The following RPH3A variants were observed in gnomAD, a reference collection of about 807,000 sequenced individuals.
The protein encoded by RPH3A is rabphilin-3A.
In RPH3A, 48 loss-of-function variants were observed where a neutral mutation model predicts 102.2. The ratio of observed to expected loss-of-function variants is 0.47; its 90% CI spans 0.37 to 0.60. The LOEUF (loss-of-function observed/expected upper bound fraction) is 0.60. Ranked by LOEUF, RPH3A falls within the 20% of genes least tolerant of loss-of-function variation. The probability of loss-of-function intolerance (pLI) is 0.00; values close to 1 mark genes in which losing one functional copy is unlikely to be tolerated. For missense variants in RPH3A, 781 were observed against 910.1 expected (o/e 0.86, Z 1.83); for synonymous variants, 310 against 324.3 (o/e 0.96, Z 0.47).
intron 1 of RPH3A, among the ~76,000 whole-genome samples, chr12:112,631,754 GCTCAA>G (rs2135986277): frequency 1.3e-5 from 2 of 152,110 alleles, no homozygotes; most frequent in East Asian, 3.9e-4. Context: ...GAACTTCTGA[GCTCAA>G]GCAATCCTCC....
intron 10 of RPH3A, among the ~76,000 whole-genome samples, chr12:112,870,338 G>T (rs905562525): frequency 2.0e-5 from 3 of 151,418 alleles, no homozygotes; most frequent in African/African-American, 7.3e-5. Flanking sequence ...AACCCTGGGG[G>T]AAAAATGCCC....
intron 4 of RPH3A, among the ~76,000 whole-genome samples, chr12:112,844,819 G>A (rs1007616211): frequency 6.6e-6 from 1 of 152,240 alleles, no homozygotes; most frequent in Non-Finnish European, 1.5e-5. Context: ...AGGAATAGGA[G>A]GGTGGCTTGG....
Position 112,750,903 on chromosome 12 carries a change from C to T in RPH3A, c.-139-41240C>T, listed in dbSNP as rs532164852. Reference sequence around the variant, plus strand: ...GGCATCTAAAGTCAGCCTTCTCTCCCCTTGTATGGACCTGGGGAATTAAAG... The same window carrying T: ...GGCATCTAAAGTCAGCCTTCTCTCCTCTTGTATGGACCTGGGGAATTAAAG... On this transcript the variant is annotated intron_variant, in intron 1 of 21. Transcript: ENST00000543106. 2.6e-5 allele frequency among the ~76,000 whole-genome samples: 4 copies of T among 152,228 alleles called. No homozygotes were observed. In the East Asian group the frequency reaches 7.7e-4, roughly 29 times the overall value.
intron 17 of RPH3A, 50 bp from the exon 18 acceptor site, chr12:112,889,974 A>G: frequency 6.4e-7 from 1 of 1,555,436 alleles, no homozygotes; most frequent in Non-Finnish European, 8.9e-7. Context: ...TTGCGCAGGA[A>G]GATGAGCTCC....
intron 1 of RPH3A, among the ~76,000 whole-genome samples, chr12:112,586,478 A>T (rs1458318602): frequency 2.0e-5 from 3 of 152,084 alleles, no homozygotes; most frequent in African/African-American, 7.2e-5. Context: ...AAGATTTGTG[A>T]GGAAAATGTT....
chr12:112,641,877 C>T, intron 1 of RPH3A, among the ~76,000 whole-genome samples: 1 of 152,142 alleles, frequency 6.6e-6, no homozygotes, highest in East Asian at 1.9e-4. Flanking sequence ...CTCTTCTAAG[C>T]ATTCTATATT....
At chr12:112,873,516 G>A (rs1441244897) in intron 10 of RPH3A, among the ~76,000 whole-genome samples, 1 of 152,200 alleles carries the variant, frequency 6.6e-6, no homozygotes, top group Non-Finnish European at 1.5e-5. Context: ...TCCCTTCAGA[G>A]GTCTCTGAAA....
chr12:112,865,554 C>G lies in RPH3A; in HGVS notation c.360+11C>G. 3.1e-6 allele frequency: 5 copies of G among 1,612,160 alleles called. No homozygotes were observed. The highest frequency in any genetic ancestry group is 4.2e-6 in the Non-Finnish European group (5 of 1,179,466). On this transcript the variant is annotated intron_variant, in intron 6 of 21. Transcript: ENST00000389385. The stretch of plus-strand genomic sequence containing the variant: ...GAGGACTGTAAGAAGGTATCATCAT[C>G]CTCTTCTCCCTTCTTCCCTGTGCAG...
At chr12:112,613,816 C>T (rs751192999) in intron 1 of RPH3A, among the ~76,000 whole-genome samples, 7 of 152,038 alleles carry the variant, frequency 4.6e-5, no homozygotes, top group East Asian at 1.9e-4. Flanking sequence ...TGGTGGTACA[C>T]GCCTGTAATC....
intron 1 of RPH3A, among the ~76,000 whole-genome samples, chr12:112,661,552 A>G (rs1370096647): frequency 6.6e-6 from 1 of 152,198 alleles, no homozygotes; most frequent in African/African-American, 2.4e-5. Context: ...TTTTATTTAA[A>G]AGGCAAAAAT....
At chr12:112,894,447 G>C in intron 19 of RPH3A, 131 bp from the exon 20 acceptor site, 1 of 806,422 alleles carries the variant, frequency 1.2e-6, no homozygotes, top group Non-Finnish European at 2.0e-6. Context: ...ATGCATATTG[G>C]TCATTATCAA....
At chr12:112,576,129 A>G (rs2039357735) in intron 1 of RPH3A, among the ~76,000 whole-genome samples, 1 of 152,194 alleles carries the variant, frequency 6.6e-6, no homozygotes, top group Non-Finnish European at 1.5e-5. Flanking sequence ...ACAGACAGGG[A>G]AACAGGTAGG....
intron 1 of RPH3A, among the ~76,000 whole-genome samples, chr12:112,628,381 T>A (rs1048107743): frequency 6.6e-6 from 1 of 151,196 alleles, no homozygotes; most frequent in African/African-American, 2.4e-5. Context: ...AGAGACAAAG[T>A]CAGTGAAACG....
intron 3 of RPH3A, among the ~76,000 whole-genome samples, chr12:112,828,831 A>G (rs1293915124): frequency 3.3e-5 from 5 of 152,114 alleles, no homozygotes; most frequent in African/African-American, 1.2e-4. Context: ...CTTTTTTTAT[A>G]TTTTGGGACT....
At chr12:112,834,876 C>T (rs557362774) in intron 3 of RPH3A, among the ~76,000 whole-genome samples, 35 of 86,170 alleles carry the variant, frequency 4.1e-4, no homozygotes, top group African/African-American at 5.8e-4. Flanking sequence ...AATACTCTCT[C>T]CAAGTCTGTT....
intron 1 of RPH3A, among the ~76,000 whole-genome samples, chr12:112,674,347 A>AG (rs1207844014): frequency 2.6e-5 from 4 of 152,144 alleles, no homozygotes; most frequent in Non-Finnish European, 5.9e-5. Context: ...ACGACTGAGG[A>AG]GGGACAAAGA....
At chr12:112,827,896 TAA>T (rs1212781928) in intron 2 of RPH3A, among the ~76,000 whole-genome samples, 4 of 73,856 alleles carry the variant, frequency 5.4e-5, no homozygotes, top group Non-Finnish European at 1.1e-4. Flanking sequence ...TTAAGTATAA[TAA>T]AAAAAAAAGG....
rs1167121829 is a variant in RPH3A at position 112,648,570 on chromosome 12, C to CAAAAAAAAAAAAAAAAAAAAAAAAAAA, written c.-140+73253_-140+73279dup. On this transcript the variant is annotated intron_variant, in intron 1 of 21. Coordinates refer to the RPH3A transcript ENST00000543106. Reference sequence around the variant, plus strand: ...GCAACAGAGTGAAACCCCATCTCTACAAAAAAAAAAAAAAAAAAAAAAAAA... The same window carrying CAAAAAAAAAAAAAAAAAAAAAAAAAAA: ...GCAACAGAGTGAAACCCCATCTCTACAAAAAAAAAAAAAAAAAAAAAAAAAAAAAAAAAAAAAAAAAAAAAAAAAAAA... Among the ~76,000 whole-genome samples, 5 of 11,044 alleles carry CAAAAAAAAAAAAAAAAAAAAAAAAAAA rather than the reference C, an allele frequency of 4.5e-4. 2 individuals are homozygous for CAAAAAAAAAAAAAAAAAAAAAAAAAAA. Among genetic ancestry groups the CAAAAAAAAAAAAAAAAAAAAAAAAAAA allele is most frequent in the Admixed American group, 1.7e-3 (1 of 582 alleles). 7.2% of individuals were successfully genotyped at this position (11,044 alleles called of 152,430 possible).
chr12:112,756,370 G>A (rs1476527418), intron 1 of RPH3A, among the ~76,000 whole-genome samples: 1 of 152,012 alleles, frequency 6.6e-6, no homozygotes, highest in Non-Finnish European at 1.5e-5. Flanking sequence ...GCACCACCAC[G>A]CCCAGCTAAT....
Sources: gnomAD v4.1 joint callset for allele counts (sites outside exome capture counted in the v4.1 genomes callset) on GRCh38, gnomAD v4.1.1 for gene constraint, MANE v1.5 for transcripts, NCBI Gene and HGNC (gene_info 2026-07-23, HGNC 2026-07-21) for gene names.